The following KHDRBS2 variants were observed in gnomAD, a reference collection of about 807,000 sequenced individuals.
KHDRBS2 encodes the protein KH RNA binding domain containing, signal transduction associated 2.
Under a neutral mutation model 44.3 loss-of-function variants are expected in KHDRBS2, and 26 were observed. That is an observed-to-expected ratio of 0.59 (90% confidence interval 0.43 to 0.81). KHDRBS2 has a LOEUF of 0.81. KHDRBS2 is among the 40% of genes least tolerant of loss of function. The pLI is 0.00. For synonymous variants in KHDRBS2, 194 were observed against 151.1 expected, an observed-to-expected ratio of 1.28 and a Z score of -2.08; for missense variants, 476 against 433.1, an observed-to-expected ratio of 1.10 and a Z score of -0.88.
intron 2 of KHDRBS2, among the ~76,000 whole-genome samples, chr6:62,102,646 C>A (rs1802169103): frequency 6.6e-6 from 1 of 152,158 alleles, no homozygotes; most frequent in Non-Finnish European, 1.5e-5. Context: ...CTGGCCCTGA[C>A]AACACTAATT....
At chr6:61,548,803 T>C in the KHDRBS2 span, among the ~76,000 whole-genome samples, 1 of 152,074 alleles carries the variant, frequency 6.6e-6, no homozygotes, top group African/African-American at 2.4e-5. Context: ...AGTTATCTTT[T>C]CTCAAAAAAC....
At chr6:62,188,798 C>G (rs968506001) in intron 1 of KHDRBS2, among the ~76,000 whole-genome samples, 2 of 152,104 alleles carry the variant, frequency 1.3e-5, no homozygotes, top group African/African-American at 4.8e-5. Flanking sequence ...CTGTGGTTCC[C>G]TTTTCACTCT....
At chr6:62,159,625 T>C (rs573775085) in intron 2 of KHDRBS2, among the ~76,000 whole-genome samples, 20 of 152,230 alleles carry the variant, frequency 1.3e-4, no homozygotes, top group Admixed American at 7.9e-4. Flanking sequence ...AAAATCCACA[T>C]ATAACTTTTG....
intron 7 of KHDRBS2, among the ~76,000 whole-genome samples, chr6:61,703,293 T>C: frequency 6.6e-6 from 1 of 151,938 alleles, no homozygotes; most frequent in East Asian, 1.9e-4. Flanking sequence ...TAAAAATTCA[T>C]TTTATTATTT....
Position 62,111,813 on chromosome 6 carries a change from T to C in KHDRBS2, c.220-63819A>G, listed in dbSNP as rs143772429. Among the ~76,000 whole-genome samples the C allele has an allele frequency of 8.0e-4, 122 of 152,154 alleles. 1 individual carries two copies. In the Middle Eastern group the frequency reaches 0.031, roughly 38 times the overall value. ...GAAAGGATCACTTGAGGCCAGCAGT[T>C]TGAGGCTGCGATGAGCTGTGATCAT... On this transcript the variant is annotated intron_variant, in intron 2 of 8. Transcript: ENST00000281156.
At chr6:62,059,198 GTTTTTT>G (rs398001756) in intron 2 of KHDRBS2, among the ~76,000 whole-genome samples, 277 of 24,882 alleles carry the variant, frequency 0.011, 6 homozygotes, top group African/African-American at 0.029. Context: ...AAGTTAGGAA[GTTTTTT>G]TTTTTTTTTT....
chr6:61,735,113 C>T (rs73474528), intron 6 of KHDRBS2, among the ~76,000 whole-genome samples: 8,415 of 150,890 alleles, frequency 0.056, 379 homozygotes, highest in African/African-American at 0.12. Context: ...TTTACACTGC[C>T]CCCCTACTCA....
chr6:61,687,577 C>T (rs1225713278), intron 8 of KHDRBS2, among the ~76,000 whole-genome samples: 1 of 151,846 alleles, frequency 6.6e-6, no homozygotes, highest in Non-Finnish European at 1.5e-5. Flanking sequence ...GCATTACTAT[C>T]CTGCCTTTTT....
chr6:61,779,700 C>T (rs564683331), intron 6 of KHDRBS2, among the ~76,000 whole-genome samples: 28 of 152,212 alleles, frequency 1.8e-4, no homozygotes, highest in African/African-American at 6.5e-4. Flanking sequence ...ATTAATACTA[C>T]TACCAACTAA....
intron 2 of KHDRBS2, among the ~76,000 whole-genome samples, chr6:62,051,246 T>C (rs1418555156): frequency 2.0e-5 from 3 of 152,074 alleles, no homozygotes; most frequent in Non-Finnish European, 4.4e-5. Flanking sequence ...TTTCATTGTA[T>C]GCAAATAGCA....
chr6:62,238,888 C>T (rs1293680117), intron 1 of KHDRBS2, among the ~76,000 whole-genome samples: 1 of 152,016 alleles, frequency 6.6e-6, no homozygotes, highest in African/African-American at 2.4e-5. Context: ...AGATTTATGG[C>T]TTATCTATAA....
intron 4 of KHDRBS2, among the ~76,000 whole-genome samples, chr6:61,908,976 C>G (rs930161502): frequency 6.6e-6 from 1 of 152,094 alleles, no homozygotes; most frequent in Non-Finnish European, 1.5e-5. Flanking sequence ...TTAGTTTAAT[C>G]TATGGCTTTG....
intron 7 of KHDRBS2, among the ~76,000 whole-genome samples, chr6:61,707,793 C>T (rs1769833224): frequency 6.6e-6 from 1 of 151,520 alleles, no homozygotes; most frequent in Admixed American, 6.6e-5. Context: ...TGCTCTGAGT[C>T]ATTAAAATAG....
chr6:61,840,449 G>A (rs116452726), intron 6 of KHDRBS2, among the ~76,000 whole-genome samples: 1 of 152,048 alleles, frequency 6.6e-6, no homozygotes, highest in African/African-American at 2.4e-5. Context: ...CTCTGGACAA[G>A]TGCTTCCTAA....
At chr6:61,606,746 C>G in the KHDRBS2 span, among the ~76,000 whole-genome samples, 1 of 152,132 alleles carries the variant, frequency 6.6e-6, no homozygotes, top group Non-Finnish European at 1.5e-5. Flanking sequence ...TTTCCTAGAT[C>G]TGGATATTGA....
At chr6:62,117,778 A>AT (rs1413109072) in intron 2 of KHDRBS2, among the ~76,000 whole-genome samples, 2 of 151,660 alleles carry the variant, frequency 1.3e-5, no homozygotes, top group Non-Finnish European at 2.9e-5. Flanking sequence ...TGACTCAAAT[A>AT]TTTTATTTTT....
intron 1 of KHDRBS2, among the ~76,000 whole-genome samples, chr6:62,276,370 C>G (rs1840935404): frequency 6.6e-6 from 1 of 152,146 alleles, no homozygotes; most frequent in Non-Finnish European, 1.5e-5. Flanking sequence ...GCCTCAAGAC[C>G]CAAGAGAGGG....
At chr6:61,729,576 T>C (rs1352664046) in intron 7 of KHDRBS2, among the ~76,000 whole-genome samples, 1 of 152,194 alleles carries the variant, frequency 6.6e-6, no homozygotes, top group Non-Finnish European at 1.5e-5. Flanking sequence ...AGCATTGCAG[T>C]TGCTCCACAT....
chr6:61,625,870 T>C, the KHDRBS2 span, among the ~76,000 whole-genome samples: 1 of 152,216 alleles, frequency 6.6e-6, no homozygotes, highest in Admixed American at 6.5e-5. Flanking sequence ...CACTCTAATA[T>C]GTGATAGAAA....
Sources: allele counts gnomAD v4.1 joint callset (sites outside exome capture counted in the v4.1 genomes callset), GRCh38; gene constraint gnomAD v4.1.1; transcripts MANE v1.5; gene names NCBI Gene and HGNC (gene_info 2026-07-23, HGNC 2026-07-21).